The following FMN2 variants were observed in gnomAD, a reference collection of about 807,000 sequenced individuals.
The protein encoded by FMN2 is formin 2.
A neutral mutation model predicts 142.3 loss-of-function variants in FMN2; 51 were observed. That is an observed-to-expected ratio of 0.36 (90% CI 0.29 to 0.45). The LOEUF is 0.45. Ranked by LOEUF, FMN2 falls within the 20% of genes least tolerant of loss-of-function variation. The pLI, the probability that FMN2 is intolerant of heterozygous loss-of-function variation, is 1.00. For synonymous variants in FMN2, 882 were observed against 869.8 expected (o/e 1.01, Z -0.25); for missense variants, 1,936 against 2,122.8 (o/e 0.91, Z 1.73).
At chr1:240,302,612 A>G (rs879912233) in intron 8 of FMN2, among the ~76,000 whole-genome samples, 1 of 152,050 alleles carries the variant, frequency 6.6e-6, no homozygotes, top group Non-Finnish European at 1.5e-5. Context: ...TATATACTAT[A>G]TTAATATAAT....
intron 16 of FMN2, among the ~76,000 whole-genome samples, chr1:240,461,087 A>G (rs1676433738): frequency 6.6e-6 from 1 of 152,154 alleles, no homozygotes; most frequent in Admixed American, 6.5e-5. Flanking sequence ...CTGCCTTGCT[A>G]TTTGCCTGCC....
chr1:240,121,375 A>T (rs1393869708), intron 1 of FMN2, among the ~76,000 whole-genome samples: 20 of 142,680 alleles, frequency 1.4e-4, no homozygotes, highest in South Asian at 4.5e-4. Flanking sequence ...TATTTTTTTT[A>T]TTTTTATTTT....
intron 2 of FMN2, among the ~76,000 whole-genome samples, chr1:240,134,514 A>C (rs1308669098): frequency 6.6e-6 from 1 of 151,998 alleles, no homozygotes; most frequent in African/African-American, 2.4e-5. Context: ...AGTCCCAGCT[A>C]TTGGAGAGGT....
intron 7 of FMN2, among the ~76,000 whole-genome samples, chr1:240,262,074 C>A (rs1400280600): frequency 1.3e-5 from 2 of 151,478 alleles, no homozygotes; most frequent in African/African-American, 2.4e-5. Flanking sequence ...GCCAGTATAG[C>A]CCTTTTTTTT....
At chr1:240,413,666 G>A (rs1178262090) in intron 15 of FMN2, among the ~76,000 whole-genome samples, 1 of 152,176 alleles carries the variant, frequency 6.6e-6, no homozygotes, top group Non-Finnish European at 1.5e-5. Flanking sequence ...CAGTCAAAGT[G>A]CCCCAGTAGC....
chr1:240,286,867 C>T (rs561880703), intron 7 of FMN2, among the ~76,000 whole-genome samples: 8 of 152,234 alleles, frequency 5.3e-5, no homozygotes, highest in Non-Finnish European at 7.4e-5. Flanking sequence ...CACCTGACAA[C>T]GCAGTTCTTT....
intron 3 of FMN2, among the ~76,000 whole-genome samples, chr1:240,184,354 A>G (rs1468865192): frequency 7.2e-6 from 1 of 139,848 alleles, no homozygotes; most frequent in Non-Finnish European, 1.5e-5. Context: ...CTCCTGCGTC[A>G]GCCTCCCGAG....
Position 240,207,822 on chromosome 1 carries a change from C to T in FMN2, c.3010C>T (p.Pro1004Ser). 1 of 441,156 alleles carries T rather than the reference C, an allele frequency of 2.3e-6. No individual in the cohort carries two copies. Among genetic ancestry groups the T allele is most frequent in the Non-Finnish European group, 3.8e-6 (1 of 265,960 alleles). The allele number at this position is 441,156 out of a possible 1,614,324, so 27.3% of individuals were successfully genotyped here. ...GAGIPPPPPLPGAGIPPPPPL... is the reference protein window; with the variant it reads ...GAGIPPPPPLSGAGIPPPPPL... Reference sequence around the variant, plus strand: ...GGGCATACCCCCTCCGCCCCCACTTCCCGGAGCGGGCATACCCCCTCCTCC... The same window carrying T: ...GGGCATACCCCCTCCGCCCCCACTTTCCGGAGCGGGCATACCCCCTCCTCC... Residue 1004 changes from proline to serine, a missense_variant, in exon 5 of 18, where the codon CCC (proline) becomes TCC (serine). Around this residue, in one of 8 missense-constraint regions of FMN2, gnomAD observed 63 missense variants for 86.3 expected, o/e 0.73. Coordinates refer to ENST00000319653, the MANE Select transcript of FMN2 (RefSeq NM_020066.5).
chr1:240,361,134 T>TAAATAA lies in FMN2; in HGVS notation c.4858+5227_4858+5228insAATAAA, dbSNP rs1423782751. On this transcript the variant is annotated intron_variant, in intron 14 of 17. Transcript: ENST00000319653. ...TTAAAGTATAATAATAATAAATAAATATATGTGTATATATATATATATATA... is the reference window on the plus strand; with the variant it reads ...TTAAAGTATAATAATAATAAATAAATAAATAAATATGTGTATATATATATATATATA... Among the ~76,000 whole-genome samples the TAAATAA allele has an allele frequency of 7.0e-3, 127 of 18,114 alleles. 1 individual carries two copies. The highest frequency in any genetic ancestry group is 0.065 in the African/African-American group (116 of 1,774). 11.9% of individuals were successfully genotyped at this position (18,114 alleles called of 152,430 possible). A position where few individuals can be genotyped will look rare whatever the true frequency, so the allele number is the denominator to read the frequency against.
chr1:240,262,550 A>G (rs1010308085), intron 7 of FMN2, among the ~76,000 whole-genome samples: 1 of 152,048 alleles, frequency 6.6e-6, no homozygotes, highest in African/African-American at 2.4e-5. Flanking sequence ...TTTGGTCTGT[A>G]TTTCAGGGGT....
chr1:240,334,735 G>T (rs1415563098), intron 13 of FMN2, among the ~76,000 whole-genome samples: 1 of 152,056 alleles, frequency 6.6e-6, no homozygotes, highest in South Asian at 2.1e-4. Context: ...ATAATAGGCC[G>T]AAATTTTTCA....
chr1:240,290,780 G>GTTTTTTGTTTTTTTTTTT (rs1333094360), intron 7 of FMN2, among the ~76,000 whole-genome samples: 2 of 100,196 alleles, frequency 2.0e-5, no homozygotes, highest in Non-Finnish European at 3.7e-5. Flanking sequence ...TGTTTGTTTG[G>GTTTTTTGTTTTTTTTTTT]TTTTTTTTTT....
In FMN2 at chr1:240,326,519, C is replaced by T. The variant is rs115715664; in HGVS notation, c.4216-2557C>T. On this transcript the variant is annotated intron_variant, in intron 8 of 17. Coordinates refer to ENST00000319653, the MANE Select transcript of FMN2 (RefSeq NM_020066.5). ...CTGATTTACTTTAGCCATCTTTTTG[C>T]GCTTACAGCTGCCTTTTGATTTGTT... Among the ~76,000 whole-genome samples the T allele has an allele frequency of 2.3e-3, 347 of 152,168 alleles. 1 individual carries two copies. Among genetic ancestry groups the T allele is most frequent in the African/African-American group, 7.9e-3 (328 of 41,514 alleles).
chr1:240,376,595 C>G (rs1268925418), intron 14 of FMN2, among the ~76,000 whole-genome samples: 1 of 151,986 alleles, frequency 6.6e-6, no homozygotes, highest in Non-Finnish European at 1.5e-5. Flanking sequence ...AGCATAACAA[C>G]TGTTTACATA....
rs1375418532 is a variant in FMN2 at position 240,092,346 on chromosome 1, G to A, written c.237G>A (p.Arg79=). The A allele has an allele frequency of 5.6e-6, 9 of 1,609,030 alleles. No individual in the cohort carries two copies. Among genetic ancestry groups the A allele is most frequent in the East Asian group, 2.2e-5 (1 of 44,796 alleles). ...GAGCCTCGGTGTTTTCCAACCTGCG[G>A]ATCAGGAAGAATCTGTCCAAGGGGA... The part of the protein sequence containing the change: ...DSRASVFSNL[R]IRKNLSKGKG... Residue 79 remains arginine, a synonymous_variant, in exon 1 of 18, where the codon CGG becomes CGA. Transcript: ENST00000319653.
chr1:240,259,487 C>CTTTTTTTTTTT (rs35655150), intron 7 of FMN2, among the ~76,000 whole-genome samples: 1 of 134,274 alleles, frequency 7.4e-6, no homozygotes. Context: ...ACCCTGTACA[C>CTTTTTTTTTTT]TTTTTTTTTT....
At chr1:240,262,850 T>C (rs1465373978) in intron 7 of FMN2, among the ~76,000 whole-genome samples, 1 of 143,974 alleles carries the variant, frequency 6.9e-6, no homozygotes, top group Non-Finnish European at 1.5e-5. Context: ...AATCTCCGCC[T>C]CCCAGGTTCA....
At chr1:240,376,936 T>C (rs1446486778) in intron 14 of FMN2, among the ~76,000 whole-genome samples, 1 of 152,210 alleles carries the variant, frequency 6.6e-6, no homozygotes, top group Non-Finnish European at 1.5e-5. Flanking sequence ...ATGTCAGAAC[T>C]CTACAACAGT....
chr1:240,353,686 A>C (rs1295708725), intron 13 of FMN2, among the ~76,000 whole-genome samples: 1 of 152,122 alleles, frequency 6.6e-6, no homozygotes, highest in Non-Finnish European at 1.5e-5. Flanking sequence ...TTTTTCGCTG[A>C]TGTAAAGTAA....
Sources: allele counts gnomAD v4.1 joint callset (sites outside exome capture counted in the v4.1 genomes callset), GRCh38; gene constraint gnomAD v4.1.1; regional missense constraint gnomAD v4.1.1; transcripts MANE v1.5; gene names NCBI Gene and HGNC (gene_info 2026-07-23, HGNC 2026-07-21).